Variants in ABCC11 observed in about 807,000 individuals in gnomAD.
ABCC11 encodes ATP binding cassette subfamily C member 11, also known as ATP-binding cassette sub-family C member 11.
A neutral mutation model predicts 149.3 loss-of-function variants in ABCC11; 135 were observed. The ratio of observed to expected loss-of-function variants is 0.90; its 90% confidence interval spans 0.79 to 1.04. The LOEUF is 1.04. Among genes scored for constraint, ABCC11 ranks in the 50% least tolerant of loss-of-function variants. The pLI is 0.00. For missense variants in ABCC11, 1,680 were observed against 1,722.1 expected (o/e 0.98, Z 0.43); for synonymous variants, 665 against 671.4 (o/e 0.99, Z 0.15).
rs549397354 is a variant in ABCC11 at position 48,166,257 on chromosome 16, T to C, written c.*1017A>G. Among the ~76,000 whole-genome samples the C allele has an allele frequency of 6.6e-6, 1 of 152,300 alleles. No individual in the cohort carries two copies. Among genetic ancestry groups the C allele is most frequent in the South Asian group, 2.1e-4 (1 of 4,822 alleles). On this transcript the variant is annotated 3_prime_UTR_variant, in exon 30 of 30. Coordinates refer to ENST00000356608, the MANE Select transcript of ABCC11 (RefSeq NM_001370497.1). ...TCAGGAACAAGCACATGACCCAAGC[T>C]GGCCCAGTGAGATTTCACCCTGGAA...
At chr16:48,186,221 G>T (rs1044391554) in intron 22 of ABCC11, among the ~76,000 whole-genome samples, 5 of 152,064 alleles carry the variant, frequency 3.3e-5, no homozygotes, top group African/African-American at 1.2e-4. Context: ...GTGTGCCCAA[G>T]TCTTACCCAG....
At chr16:48,221,778 A>G (rs9924823) in intron 6 of ABCC11, among the ~76,000 whole-genome samples, 21,865 of 152,122 alleles carry the variant, frequency 0.14, 2,079 homozygotes, top group African/African-American at 0.28. Context: ...GTCTCGCTCC[A>G]TCACCTAGGC....
rs757808061 is a variant in ABCC11 at position 48,200,349 on chromosome 16, T to C, written c.2009A>G (p.Lys670Arg). ...CTTAATGCACTCCTCAAAAATGTGCTTCCCCACGTGGGCGTCCACAGCAGA... is the reference window on the plus strand; with the variant it reads ...CTTAATGCACTCCTCAAAAATGTGCCTCCCCACGTGGGCGTCCACAGCAGA... ...PLSAVDAHVG[K>R]HIFEECIKKT... The change falls in exon 15 of 30, where the codon AAG becomes AGG. Residue 670 changes from lysine (K) to arginine (R), a missense_variant. Transcript: ENST00000356608. The C allele has an allele frequency of 4.3e-6, 7 of 1,614,124 alleles. No individual in the cohort carries two copies. The highest frequency in any genetic ancestry group is 5.9e-6 in the Non-Finnish European group (7 of 1,180,044).
rs1971476646 is a variant in ABCC11, at chr16:48,247,493, C to T, written c.-198G>A. 6.7e-4 allele frequency: 1 copy of T among 1,488 alleles called. No individual in the cohort carries two copies. The allele number at this position is 1,488 out of a possible 1,614,324, so 0.1% of individuals were successfully genotyped here. ...AGATGTTGACTTACCTCTGCCACTT[C>T]CTTGGTGGTTTTGAGTAGTACAGTC... On this transcript the variant is annotated 5_prime_UTR_variant, in exon 1 of 30. Coordinates refer to ENST00000356608, the MANE Select transcript of ABCC11 (RefSeq NM_001370497.1).
intron 1 of ABCC11, among the ~76,000 whole-genome samples, chr16:48,237,059 T>C (rs1250280485): frequency 1.3e-5 from 2 of 152,250 alleles, no homozygotes; most frequent in African/African-American, 4.8e-5. Context: ...GTTAAAATTA[T>C]TAAACATTAG....
chr16:48,213,467 G>A lies in ABCC11; in HGVS notation c.1332C>T (p.Ser444=). 1.2e-6 allele frequency: 2 copies of A among 1,612,424 alleles called. No individual in the cohort carries two copies. The highest frequency in any genetic ancestry group is 2.2e-5 in the East Asian group (1 of 44,766). Residue 444 remains serine, a synonymous_variant, in exon 10 of 30, where the codon TCC becomes TCT. Transcript: ENST00000356608. The stretch of plus-strand genomic sequence containing the variant: ...CCTTGAACCTCATCACTGCAGACTT[G>A]GAATTCGTGAGACCTTTGACTGCAA... The part of the protein sequence containing the change: ...VPIAVKGLTN[S]KSAVMRFKKF...
At chr16:48,177,619 G>T in intron 24 of ABCC11, among the ~76,000 whole-genome samples, 1 of 152,204 alleles carries the variant, frequency 6.6e-6, no homozygotes, top group Non-Finnish European at 1.5e-5. Flanking sequence ...TTTCAGGTTG[G>T]AACTCAAACC....
Position 48,194,021 on chromosome 16 carries a change from C to T in ABCC11, c.2405-39G>A, listed in dbSNP as rs1042784314. On this transcript the variant is annotated intron_variant, in intron 18 of 29. Transcript: ENST00000356608. ...AGTGGTGATGTACAAGTGCCACAAA[C>T]AGGTGCGAGGCAACTGCTGACTCAG... 2.0e-6 allele frequency: 3 copies of T among 1,504,600 alleles called. No individual in the cohort carries two copies. In the Admixed American group the frequency reaches 5.1e-5, roughly 25 times the overall value. The allele number at this position is 1,504,600 out of a possible 1,614,324, so 93.2% of individuals were successfully genotyped here. A position where few individuals can be genotyped will look rare whatever the true frequency, so the allele number is the denominator to read the frequency against.
rs1282755664 is a variant in ABCC11 at position 48,244,495 on chromosome 16, C to T, written c.-19+2819G>A. 5 of 1,598,584 alleles carry T rather than the reference C, an allele frequency of 3.1e-6. No individual in the cohort carries two copies. Among genetic ancestry groups the T allele is most frequent in the Admixed American group, 3.4e-5 (2 of 58,540 alleles). On this transcript the variant is annotated intron_variant, in intron 1 of 29. Coordinates refer to ENST00000356608, the MANE Select transcript of ABCC11 (RefSeq NM_001370497.1). ...ACCATGCGCACCAGCGTGGACTCGG[C>T]CCGCAACCTGCAGCTGGTGCGGAGC...
intron 14 of ABCC11, among the ~76,000 whole-genome samples, chr16:48,202,623 A>T (rs1470395404): frequency 6.6e-6 from 1 of 152,058 alleles, no homozygotes; most frequent in Non-Finnish European, 1.5e-5. Flanking sequence ...CTTCAAAAAA[A>T]AAAAAAAGAA....
chr16:48,191,406 C>T (rs1263022879), intron 20 of ABCC11, among the ~76,000 whole-genome samples: 1 of 152,054 alleles, frequency 6.6e-6, no homozygotes, highest in East Asian at 1.9e-4. Context: ...TGGTGGTGTG[C>T]CCCTGTGGTC....
At chr16:48,245,326 T>G (rs1442138393) in intron 1 of ABCC11, among the ~76,000 whole-genome samples, 4 of 152,170 alleles carry the variant, frequency 2.6e-5, no homozygotes, top group African/African-American at 7.2e-5. Flanking sequence ...TATTGCCCAG[T>G]ACCCTCGCCC....
At chr16:48,212,703 T>G (rs1179943760) in intron 10 of ABCC11, among the ~76,000 whole-genome samples, 2 of 152,236 alleles carry the variant, frequency 1.3e-5, no homozygotes, top group South Asian at 4.1e-4. Context: ...GTATTCTCAG[T>G]GCCTGGCTTG....
intron 17 of ABCC11, 33 bp downstream of exon 17, chr16:48,197,938 C>T (rs1967588455): frequency 6.2e-7 from 1 of 1,608,794 alleles, no homozygotes. Context: ...GGCAGGCATG[C>T]AGACATTCTT....
intron 20 of ABCC11, among the ~76,000 whole-genome samples, chr16:48,191,393 G>A (rs866707197): frequency 2.0e-5 from 3 of 152,144 alleles, no homozygotes; most frequent in Non-Finnish European, 2.9e-5. Flanking sequence ...AATTAGCCAG[G>A]CATGGTGGTG....
intron 1 of ABCC11, chr16:48,244,365 C>T (rs767822659): frequency 1.3e-6 from 2 of 1,496,250 alleles, no homozygotes; most frequent in Non-Finnish European, 1.8e-6. Flanking sequence ...TTTTTGACAG[C>T]CCCCAGTGCG....
chr16:48,244,056 T>C (rs2150948432), intron 1 of ABCC11, among the ~76,000 whole-genome samples: 1 of 152,048 alleles, frequency 6.6e-6, no homozygotes, highest in South Asian at 2.1e-4. Context: ...ACACTTCAAG[T>C]ATATGTAAAA....
At chr16:48,198,555 AC>A (rs555281310) in intron 15 of ABCC11, among the ~76,000 whole-genome samples, 5 of 152,022 alleles carry the variant, frequency 3.3e-5, no homozygotes, top group Non-Finnish European at 7.4e-5. Context: ...TTATGAACCA[AC>A]GATTCGACTC....
chr16:48,230,160 T>C lies in ABCC11; in HGVS notation c.236+277A>G, dbSNP rs544078371. Among the ~76,000 whole-genome samples the C allele has an allele frequency of 2.6e-5, 4 of 152,352 alleles. No individual in the cohort carries two copies. The East Asian group carries it at 5.8e-4, about 22-fold the overall frequency. ...GTCTTTCTCTCCCATGTGAGGTCCA[T>C]GATGGCAAAGATCACGTCTGTTTGC... On this transcript the variant is annotated intron_variant, in intron 3 of 29. Transcript: ENST00000356608.
Sources: allele counts gnomAD v4.1 joint callset (sites outside exome capture counted in the v4.1 genomes callset), GRCh38; gene constraint gnomAD v4.1.1; transcripts MANE v1.5; gene names NCBI Gene and HGNC (gene_info 2026-07-23, HGNC 2026-07-21).